The following DENND1A variants were observed in gnomAD, a reference collection of about 807,000 sequenced individuals.
The protein encoded by DENND1A is DENN domain containing 1A.
In DENND1A, 51 loss-of-function variants were observed where a neutral mutation model predicts 113.7. That is an observed-to-expected ratio of 0.45 (90% CI 0.36 to 0.57). The LOEUF is 0.57. Ranked by LOEUF, DENND1A falls within the 20% of genes least tolerant of loss-of-function variation. DENND1A has a pLI of 0.00. For missense variants in DENND1A, 1,258 were observed against 1,395.9 expected (o/e 0.90, Z 1.57); for synonymous variants, 565 against 570.8 (o/e 0.99, Z 0.14).
intron 5 of DENND1A, among the ~76,000 whole-genome samples, chr9:123,684,660 A>G (rs531519745): frequency 6.6e-6 from 1 of 152,320 alleles, no homozygotes; most frequent in East Asian, 1.9e-4. Context: ...TTCAATGAAC[A>G]TTTTTACAGA....
At chr9:123,392,563 CCG>C (rs2042914052) in intron 21 of DENND1A, among the ~76,000 whole-genome samples, 2 of 152,170 alleles carry the variant, frequency 1.3e-5, no homozygotes, top group Admixed American at 1.3e-4. Context: ...TCCTGCCTGT[CCG>C]GTGGGTGCCA....
Position 123,383,980 on chromosome 9 carries a change from G to A in DENND1A, c.1761-67C>T, listed in dbSNP as rs1246002750. On this transcript the variant is annotated intron_variant, in intron 22 of 23. Coordinates refer to ENST00000394215, the MANE Select transcript of DENND1A (RefSeq NM_001352964.2). ...TCAGGGGAGGAGCAAGCGGACTCCA[G>A]CCCAAGCACATTGAGGGCTTGAGGG... 2.6e-6 allele frequency: 4 copies of A among 1,557,530 alleles called. No homozygotes were observed. The African/African-American group carries it at 4.0e-5, about 16-fold the overall frequency.
At chr9:123,581,431 T>G (rs2058888759) in intron 12 of DENND1A, among the ~76,000 whole-genome samples, 1 of 151,920 alleles carries the variant, frequency 6.6e-6, no homozygotes, top group Non-Finnish European at 1.5e-5. Flanking sequence ...CCCAGGAGTA[T>G]GAGACCAGTC....
At chr9:123,814,502 T>C (rs1837145080) in intron 2 of DENND1A, among the ~76,000 whole-genome samples, 1 of 152,148 alleles carries the variant, frequency 6.6e-6, no homozygotes, top group African/African-American at 2.4e-5. Flanking sequence ...ACAAAAAAGG[T>C]ACTCTTTGGT....
chr9:123,682,586 C>T (rs192008320), intron 5 of DENND1A, among the ~76,000 whole-genome samples: 3 of 152,212 alleles, frequency 2.0e-5, no homozygotes, highest in Admixed American at 2.0e-4. Flanking sequence ...AACAAAAAAA[C>T]CTCCTCCCCA....
At chr9:123,513,270 A>C (rs2053606058) in intron 13 of DENND1A, among the ~76,000 whole-genome samples, 1 of 152,246 alleles carries the variant, frequency 6.6e-6, no homozygotes, top group Non-Finnish European at 1.5e-5. Context: ...CTCAGGCTTC[A>C]GAGCCAGAGA....
At chr9:123,411,637 CAG>C (rs1400630883) in intron 20 of DENND1A, 137 bp downstream of exon 20, 2 of 397,224 alleles carry the variant, frequency 5.0e-6, no homozygotes, top group East Asian at 3.3e-4. Context: ...TCATGCCACA[CAG>C]AGAGGGAAGC....
chr9:123,621,690 A>C (rs1478435742), intron 10 of DENND1A, among the ~76,000 whole-genome samples: 1 of 152,126 alleles, frequency 6.6e-6, no homozygotes, highest in African/African-American at 2.4e-5. Context: ...AGGGCCAGAC[A>C]TTTCTGCTTC....
chr9:123,634,022 A>G (rs1261078359), intron 9 of DENND1A, among the ~76,000 whole-genome samples: 1 of 152,242 alleles, frequency 6.6e-6, no homozygotes, highest in Non-Finnish European at 1.5e-5. Context: ...TGAAAAAGTC[A>G]TTTAATAGAA....
chr9:123,793,716 G>C (rs1042086290), intron 2 of DENND1A, among the ~76,000 whole-genome samples: 3 of 151,974 alleles, frequency 2.0e-5, no homozygotes, highest in African/African-American at 7.2e-5. Context: ...TAATCAAGAA[G>C]GGAAAAAACT....
chr9:123,710,490 C>T (rs957478234), intron 5 of DENND1A, among the ~76,000 whole-genome samples: 3 of 151,188 alleles, frequency 2.0e-5, no homozygotes, highest in African/African-American at 7.3e-5. Context: ...GAAAAGATAA[C>T]TTGAGTGCAG....
Position 123,440,349 on chromosome 9 carries a change from A to G in DENND1A, c.1488+11T>C, listed in dbSNP as rs2046834581. On this transcript the variant is annotated intron_variant, in intron 19 of 23. Transcript: ENST00000394215. The stretch of plus-strand genomic sequence containing the variant: ...AACAAAACAGACAGGTAGGAGGGCC[A>G]GGGTACACACCTGTCCAAAGTGGAC... 4 of 1,587,890 alleles carry G rather than the reference A, an allele frequency of 2.5e-6. No individual in the cohort carries two copies. The Admixed American group carries it at 5.5e-5, about 22-fold the overall frequency.
intron 8 of DENND1A, among the ~76,000 whole-genome samples, chr9:123,661,232 C>G (rs1179399872): frequency 5.3e-5 from 8 of 152,190 alleles, no homozygotes. Context: ...TCTCCTCTCC[C>G]AGCTCAATGA....
chr9:123,876,745 A>G (rs1323406241), intron 2 of DENND1A, among the ~76,000 whole-genome samples: 1 of 152,236 alleles, frequency 6.6e-6, no homozygotes, highest in Non-Finnish European at 1.5e-5. Flanking sequence ...AAAGGAAAAT[A>G]AATCATATTA....
intron 11 of DENND1A, among the ~76,000 whole-genome samples, chr9:123,586,799 G>C (rs993533903): frequency 6.6e-6 from 1 of 152,262 alleles, no homozygotes; most frequent in East Asian, 1.9e-4. Context: ...AAGCCAGACC[G>C]TCGCCAGGTG....
At chr9:123,384,023 C>A in intron 22 of DENND1A, 110 bp from the exon 23 acceptor site, 1 of 1,430,608 alleles carries the variant, frequency 7.0e-7, no homozygotes, top group Non-Finnish European at 9.4e-7. Context: ...CAGGGGCCTG[C>A]GGGACAGGAG....
At chr9:123,907,371 G>A (rs560033677) in intron 1 of DENND1A, among the ~76,000 whole-genome samples, 1 of 151,840 alleles carries the variant, frequency 6.6e-6, no homozygotes, top group Non-Finnish European at 1.5e-5. Flanking sequence ...CAATTAGGCA[G>A]GAGAAGGAAA....
At chr9:123,849,463 T>C (rs928968291) in intron 2 of DENND1A, among the ~76,000 whole-genome samples, 8 of 152,166 alleles carry the variant, frequency 5.3e-5, no homozygotes, top group African/African-American at 1.9e-4. Context: ...ACAATTACTT[T>C]TGCACCAACA....
intron 9 of DENND1A, among the ~76,000 whole-genome samples, chr9:123,647,990 G>A (rs1189607297): frequency 6.6e-6 from 1 of 152,184 alleles, no homozygotes; most frequent in Non-Finnish European, 1.5e-5. Flanking sequence ...CCTTCAAATA[G>A]TAGTAAATGA....
Sources: allele counts gnomAD v4.1 joint callset (sites outside exome capture counted in the v4.1 genomes callset), GRCh38; gene constraint gnomAD v4.1.1; transcripts MANE v1.5; gene names NCBI Gene and HGNC (gene_info 2026-07-23, HGNC 2026-07-21).